MED22: variants seen among roughly 807,000 people sequenced by gnomAD.
MED22 encodes mediator of RNA polymerase II transcription subunit 22.
In MED22, 22 loss-of-function variants were observed where a neutral mutation model predicts 22.7. The ratio of observed to expected loss-of-function variants is 0.97; its 90% confidence interval spans 0.69 to 1.38. The LOEUF (loss-of-function observed/expected upper bound fraction) is 1.38. MED22 is among the 40% of genes most tolerant of loss of function. MED22 has a pLI of 0.00. For missense variants in MED22, 247 were observed against 263.0 expected, an observed-to-expected ratio of 0.94 and a Z score of 0.42; for synonymous variants, 134 against 119.4, an observed-to-expected ratio of 1.12 and a Z score of -0.80.
Position 133,344,138 on chromosome 9 carries a change from ACTC to A in MED22, c.397_399del (p.Glu133del), listed in dbSNP as rs1347246961. 5.6e-6 allele frequency: 9 copies of A among 1,613,796 alleles called. No homozygotes were observed. Among genetic ancestry groups the A allele is most frequent in the Non-Finnish European group, 6.8e-6 (8 of 1,180,002 alleles). On this transcript the variant is annotated inframe_deletion, in exon 4 of 5. Coordinates refer to ENST00000343730, the MANE Select transcript of MED22 (RefSeq NM_133640.5). ...CGCTATTTATACCTGGACGAGTAAT[ACTC>A]CTCCTCCAGCTCGTAGAGGTCAATG...
chr9:133,341,972 C>T (rs1044383382), intron 4 of MED22: 1 of 1,239,260 alleles, frequency 8.1e-7, no homozygotes, highest in Non-Finnish European at 1.0e-6. Flanking sequence ...TCCTGCCCAG[C>T]CTCCACGTGG....
intron 3 of MED22, 106 bp from the exon 4 acceptor site, chr9:133,344,439 T>C: frequency 2.7e-6 from 3 of 1,114,516 alleles, no homozygotes; most frequent in Non-Finnish European, 3.9e-6. Context: ...AGCCTCAGCT[T>C]CCTCATCTGC....
chr9:133,343,535 C>A, intron 4 of MED22: 1 of 1,238,186 alleles, frequency 8.1e-7, no homozygotes, highest in Non-Finnish European at 1.0e-6. Context: ...TAGGTTGGCT[C>A]CAGCTCCGTG....
Position 133,342,694 on chromosome 9 carries a change from C to T in MED22, c.414-1000G>A, listed in dbSNP as rs2129954532. ...TGCCACAGGGGCTGTGTGAGGCCCC[C>T]CAGGGGGCGCTGGTGTGGACAGGAG... On this transcript the variant is annotated intron_variant, in intron 4 of 4. Coordinates refer to ENST00000343730, the MANE Select transcript of MED22 (RefSeq NM_133640.5). The T allele has an allele frequency of 1.5e-3, 1,459 of 985,880 alleles. 3 individuals are homozygous for T. Among genetic ancestry groups the T allele is most frequent in the Non-Finnish European group, 1.7e-3 (1,407 of 830,320 alleles). The allele number at this position is 985,880 out of a possible 1,614,324, so 61.1% of individuals were successfully genotyped here.
rs1835959159 is a variant in MED22, at chr9:133,339,388, C to G, written c.*2117G>C. On this transcript the variant is annotated 3_prime_UTR_variant, in exon 5 of 5. Coordinates refer to ENST00000343730, the MANE Select transcript of MED22 (RefSeq NM_133640.5). ...CAACTGAAGCGCCAGCCTGCTCCAC[C>G]CAGAGCAGCACACTGTGAGAACCAA... 2.7e-6 allele frequency: 2 copies of G among 749,934 alleles called. No homozygotes were observed. Among genetic ancestry groups the G allele is most frequent in the Non-Finnish European group, 2.5e-6 (1 of 406,578 alleles). The allele number at this position is 749,934 out of a possible 1,614,324, so 46.5% of individuals were successfully genotyped here.
At chr9:133,343,660 T>G in intron 4 of MED22, 1 of 1,254,456 alleles carries the variant, frequency 8.0e-7, no homozygotes. Context: ...TGGGGTTTGG[T>G]GACATCCACA....
rs968241766 is a variant in MED22, at chr9:133,341,333, A to C, written c.*172T>G. The stretch of plus-strand genomic sequence containing the variant: ...TGGCTAGGGAAACAACTGTTTCCCT[A>C]CTGTCCTGGCGGGACCCACCCTGGG... On this transcript the variant is annotated 3_prime_UTR_variant, in exon 5 of 5. Transcript: ENST00000343730. 3.5e-6 allele frequency: 2 copies of C among 574,876 alleles called. No individual in the cohort carries two copies. Among genetic ancestry groups the C allele is most frequent in the Non-Finnish European group, 5.6e-6 (2 of 355,106 alleles). The allele number at this position is 574,876 out of a possible 1,614,324, so 35.6% of individuals were successfully genotyped here.
chr9:133,345,400 C>T (rs1217554694), intron 2 of MED22, 148 bp from the exon 3 acceptor site: 30 of 743,286 alleles, frequency 4.0e-5, no homozygotes, highest in South Asian at 3.7e-4. Context: ...CAGACCTAAG[C>T]GCTGTCAGCC....
At chr9:133,343,452 G>A (rs988690156) in intron 4 of MED22, 2 of 1,228,018 alleles carry the variant, frequency 1.6e-6, no homozygotes, top group African/African-American at 1.6e-5. Flanking sequence ...GCTTCTTACG[G>A]AGCCCCACAA....
Position 133,346,642 on chromosome 9 carries a change from C to T in MED22, c.21G>A (p.Leu7=). 1 of 1,612,246 alleles carries T rather than the reference C, an allele frequency of 6.2e-7. No individual in the cohort carries two copies. The highest frequency in any genetic ancestry group is 2.2e-5 in the East Asian group (1 of 44,868). The change falls in exon 2 of 5, where the codon CTG becomes CTA. Residue 7 remains leucine (L), a synonymous_variant. Transcript: ENST00000343730. ...GCAGCAGCGTCTCCTTGCTCTGGGGCAGGGCTCTCTGCTGGGCCATGGCCG... is the reference window on the plus strand; with the variant it reads ...GCAGCAGCGTCTCCTTGCTCTGGGGTAGGGCTCTCTGCTGGGCCATGGCCG... MAQQRA[L]PQSKETLLQS...
At chr9:133,341,888 G>A in intron 4 of MED22, 194 bp from the exon 5 acceptor site, 2 of 1,368,414 alleles carry the variant, frequency 1.5e-6, no homozygotes, top group Non-Finnish European at 1.9e-6. Flanking sequence ...AGTGGTGAGA[G>A]CCACCCTAGC....
chr9:133,348,097 C>A lies in MED22; in HGVS notation c.-214G>T. On this transcript the variant is annotated 5_prime_UTR_variant, in exon 1 of 5. Transcript: ENST00000343730. ...AAAACCTAGTCAGCCGCCGCAGCCT[C>A]TCGGCCCCGCCTCGATTTTTAGCTT... is the stretch of plus-strand genomic sequence containing the variant. 1.6e-6 allele frequency: 2 copies of A among 1,214,776 alleles called. No individual in the cohort carries two copies. The highest frequency in any genetic ancestry group is 1.3e-5 in the South Asian group (1 of 78,440). 75.2% of individuals were successfully genotyped at this position (1,214,776 alleles called of 1,614,324 possible).
In MED22 at chr9:133,346,349, C is replaced by A. The variant is rs2129967980; in HGVS notation, c.123+191G>T. The stretch of plus-strand genomic sequence containing the variant: ...ACTGAGGCACTAAAAAGTGAAATCT[C>A]CATCCAAATCCATACTGTTAGTAAG... On this transcript the variant is annotated intron_variant, in intron 2 of 4. Coordinates refer to ENST00000343730, the MANE Select transcript of MED22 (RefSeq NM_133640.5). 2.6e-5 allele frequency: 17 copies of A among 651,700 alleles called. No individual in the cohort carries two copies. The East Asian group carries it at 4.8e-4, about 18-fold the overall frequency. The allele number at this position is 651,700 out of a possible 1,614,324, so 40.4% of individuals were successfully genotyped here.
rs1318215442 is a variant in MED22 at position 133,346,684 on chromosome 9, G to C, written c.-22C>G. On this transcript the variant is annotated 5_prime_UTR_variant, in exon 2 of 5. Coordinates refer to ENST00000343730, the MANE Select transcript of MED22 (RefSeq NM_133640.5). ...CCATGGCCGAGCCTCAAGCAGCGCA[G>C]CGGGGAGACCTGGGACCTAGAGTGC... is the stretch of plus-strand genomic sequence containing the variant. The C allele has an allele frequency of 6.2e-7, 1 of 1,608,822 alleles. No individual in the cohort carries two copies. The highest frequency in any genetic ancestry group is 1.7e-5 in the Admixed American group (1 of 59,994).
chr9:133,343,923 G>T, intron 4 of MED22: 2 of 1,435,700 alleles, frequency 1.4e-6, no homozygotes, highest in Non-Finnish European at 1.8e-6. Flanking sequence ...TTGCACTGTG[G>T]GAAAGGCCCA....
chr9:133,342,677 G>A, intron 4 of MED22: 2 of 985,822 alleles, frequency 2.0e-6, no homozygotes, highest in Non-Finnish European at 2.4e-6. Context: ...TCTGCCACAG[G>A]GGCTGTGTGA....
intron 4 of MED22, chr9:133,343,689 G>A (rs2129957584): frequency 5.5e-6 from 7 of 1,264,428 alleles, no homozygotes; most frequent in East Asian, 2.9e-5. Context: ...CATCCCTGGT[G>A]CCCTGGACAT....
chr9:133,342,692 C>T lies in MED22; in HGVS notation c.414-998G>A, dbSNP rs185829132. 5.5e-3 allele frequency: 5,393 copies of T among 985,912 alleles called. 14 individuals are homozygous for T. The highest frequency in any genetic ancestry group is 5.8e-3 in the Non-Finnish European group (4,826 of 830,348). The allele number at this position is 985,912 out of a possible 1,614,324, so 61.1% of individuals were successfully genotyped here. On this transcript the variant is annotated intron_variant, in intron 4 of 4. Coordinates refer to ENST00000343730, the MANE Select transcript of MED22 (RefSeq NM_133640.5). ...TCTGCCACAGGGGCTGTGTGAGGCC[C>T]CCCAGGGGGCGCTGGTGTGGACAGG...
At chr9:133,346,363 A>G in intron 2 of MED22, 177 bp downstream of exon 2, 1 of 713,334 alleles carries the variant, frequency 1.4e-6, no homozygotes, top group South Asian at 1.9e-5. Flanking sequence ...CCAAATCCAT[A>G]CTGTTAGTAA....
Sources: allele counts gnomAD v4.1 joint callset, GRCh38; gene constraint gnomAD v4.1.1; transcripts MANE v1.5; gene names NCBI Gene and HGNC (gene_info 2026-07-23, HGNC 2026-07-21).